Variants in ZNF573 observed in about 807,000 individuals in gnomAD.
ZNF573 encodes zinc finger protein 573.
Under a neutral mutation model 57.4 loss-of-function variants are expected in ZNF573, and 41 were observed. The observed-to-expected ratio is 0.71, with a 90% CI of 0.56 to 0.93. The LOEUF is 0.93. ZNF573 is among the 40% of genes least tolerant of loss of function. The probability of loss-of-function intolerance (pLI) is 0.00; values close to 1 mark genes in which losing one functional copy is unlikely to be tolerated. For synonymous variants in ZNF573, 249 were observed against 261.0 expected (o/e 0.95, Z 0.44); for missense variants, 730 against 794.8 (o/e 0.92, Z 0.98).
intron 2 of ZNF573, among the ~76,000 whole-genome samples, chr19:37,773,404 T>G (rs1319424055): frequency 6.6e-6 from 1 of 152,222 alleles, no homozygotes; most frequent in Non-Finnish European, 1.5e-5. Context: ...ACTTCACTCC[T>G]TTACTGCTCT....
chr19:37,764,114 T>G (rs1384182660), intron 4 of ZNF573, among the ~76,000 whole-genome samples: 2 of 151,386 alleles, frequency 1.3e-5, no homozygotes, highest in African/African-American at 4.9e-5. Context: ...TTGCATGGTA[T>G]TTTAATTTTA....
rs889464483 is a variant in ZNF573, at chr19:37,740,085, T to C, written c.405A>G (p.Glu135=). The C allele has an allele frequency of 6.2e-7, 1 of 1,613,974 alleles. No individual in the cohort carries two copies. Among genetic ancestry groups the C allele is most frequent in the Admixed American group, 1.7e-5 (1 of 60,006 alleles). Residue 135 remains glutamate, a synonymous_variant, in exon 5 of 5, where the codon GAA becomes GAG. Transcript: ENST00000536220. ...TAAATTTCTTCTGACATTTCTTACA[T>C]TCATAGAGTTTCTCTCTCTTATATA... ...QSIYKREKLY[E]CKKCQKKFSS...
intron 2 of ZNF573, among the ~76,000 whole-genome samples, chr19:37,771,926 T>C (rs998765526): frequency 9.2e-5 from 14 of 152,188 alleles, no homozygotes; most frequent in African/African-American, 3.4e-4. Flanking sequence ...TGTTTCTGCA[T>C]GTTGAAGGTT....
chr19:37,747,967 T>A (rs2045397441), intron 4 of ZNF573, among the ~76,000 whole-genome samples: 1 of 152,224 alleles, frequency 6.6e-6, no homozygotes, highest in Non-Finnish European at 1.5e-5. Flanking sequence ...ATTACAGGCA[T>A]GAGCCACCGC....
intron 4 of ZNF573, among the ~76,000 whole-genome samples, chr19:37,753,384 C>A (rs1226090344): frequency 1.3e-5 from 2 of 151,840 alleles, no homozygotes; most frequent in African/African-American, 2.4e-5. Flanking sequence ...CAATTATATT[C>A]TTTTAGTTAT....
chr19:37,746,793 A>G (rs775432684), intron 4 of ZNF573, among the ~76,000 whole-genome samples: 2 of 152,184 alleles, frequency 1.3e-5, no homozygotes, highest in South Asian at 2.1e-4. Flanking sequence ...CATGTTGGCC[A>G]GGCTGGTCTT....
At chr19:37,743,985 G>A (rs2045352925) in intron 4 of ZNF573, among the ~76,000 whole-genome samples, 1 of 152,114 alleles carries the variant, frequency 6.6e-6, no homozygotes, top group African/African-American at 2.4e-5. Context: ...AGGGCCTGTT[G>A]GGGGCTGGGA....
intron 4 of ZNF573, among the ~76,000 whole-genome samples, chr19:37,763,250 TTATA>T (rs74437645): frequency 2.0e-5 from 3 of 149,744 alleles, no homozygotes; most frequent in African/African-American, 2.4e-5. Flanking sequence ...ACAACTATAG[TTATA>T]TATATATATA....
intron 4 of ZNF573, among the ~76,000 whole-genome samples, chr19:37,766,378 C>T (rs914830533): frequency 2.0e-5 from 3 of 152,208 alleles, no homozygotes; most frequent in Non-Finnish European, 4.4e-5. Flanking sequence ...AAACACATCC[C>T]ACTGTTTTCC....
At chr19:37,750,169 GC>G (rs1037888696) in intron 4 of ZNF573, among the ~76,000 whole-genome samples, 4 of 150,420 alleles carry the variant, frequency 2.7e-5, no homozygotes, top group African/African-American at 9.8e-5. Context: ...CACAACCTCC[GC>G]CTCCTGGGTT....
At chr19:37,773,293 G>A (rs1232057352) in intron 2 of ZNF573, among the ~76,000 whole-genome samples, 4 of 152,124 alleles carry the variant, frequency 2.6e-5, no homozygotes, top group Admixed American at 6.5e-5. Context: ...TCAGGTCTGC[G>A]GAGAATGTCA....
chr19:37,743,335 A>AAAG (rs1555739524), intron 4 of ZNF573, among the ~76,000 whole-genome samples: 14 of 150,982 alleles, frequency 9.3e-5, no homozygotes, highest in East Asian at 5.9e-4. Context: ...AAAAAAAAAA[A>AAAG]AAGAAGAAGA....
chr19:37,774,456 T>A (rs1392820476), intron 1 of ZNF573, among the ~76,000 whole-genome samples: 3 of 152,060 alleles, frequency 2.0e-5, no homozygotes, highest in Non-Finnish European at 4.4e-5. Flanking sequence ...CTAGAACCTC[T>A]TCTATGGCAT....
intron 2 of ZNF573, 42 bp from the exon 3 acceptor site, chr19:37,771,738 G>A: frequency 6.4e-7 from 1 of 1,568,526 alleles, no homozygotes; most frequent in South Asian, 1.2e-5. Context: ...ACATTTTAAA[G>A]AAGGAAAGAT....
chr19:37,776,003 G>C (rs1230636556), intron 1 of ZNF573, among the ~76,000 whole-genome samples: 1 of 152,078 alleles, frequency 6.6e-6, no homozygotes, highest in Non-Finnish European at 1.5e-5. Context: ...ACAGATGGAA[G>C]CACATCCCCC....
At chr19:37,776,166 C>T (rs890118427) in intron 1 of ZNF573, among the ~76,000 whole-genome samples, 1 of 151,972 alleles carries the variant, frequency 6.6e-6, no homozygotes, top group Admixed American at 6.6e-5. Context: ...AAAAAGAGCC[C>T]GCATGGTCAA....
intron 4 of ZNF573, among the ~76,000 whole-genome samples, chr19:37,761,477 C>A (rs979241163): frequency 6.6e-6 from 1 of 152,122 alleles, no homozygotes; most frequent in African/African-American, 2.4e-5. Context: ...TCATGGAAAC[C>A]AGAACCCCTT....
At chr19:37,766,818 T>C (rs2045605603) in intron 4 of ZNF573, among the ~76,000 whole-genome samples, 1 of 152,146 alleles carries the variant, frequency 6.6e-6, no homozygotes, top group Admixed American at 6.5e-5. Context: ...TGTCTTGCAA[T>C]AAAATAAATA....
At chr19:37,776,825 G>A (rs1328077921) in intron 1 of ZNF573, among the ~76,000 whole-genome samples, 1 of 152,046 alleles carries the variant, frequency 6.6e-6, no homozygotes, top group Non-Finnish European at 1.5e-5. Flanking sequence ...GTAGGCTAAG[G>A]ATATGAATAG....
Sources: allele counts gnomAD v4.1 joint callset (sites outside exome capture counted in the v4.1 genomes callset), GRCh38; gene constraint gnomAD v4.1.1; transcripts MANE v1.5; gene names NCBI Gene and HGNC (gene_info 2026-07-23, HGNC 2026-07-21).